Variants in GNB5 observed in about 807,000 individuals in gnomAD.
GNB5 encodes the protein G protein subunit beta 5.
Under a neutral mutation model 55.3 loss-of-function variants are expected in GNB5, and 37 were observed. The ratio of observed to expected loss-of-function variants is 0.67; its 90% CI spans 0.51 to 0.88. The LOEUF is 0.88. GNB5 is among the 40% of genes least tolerant of loss of function. The probability of loss-of-function intolerance (pLI) is 0.00; values close to 1 mark genes in which losing one functional copy is unlikely to be tolerated. For missense variants in GNB5, 476 were observed against 515.3 expected, an observed-to-expected ratio of 0.92 and a Z score of 0.74; for synonymous variants, 219 against 198.5, an observed-to-expected ratio of 1.10 and a Z score of -0.87.
chr15:52,127,025 G>C (rs2033448656), intron 10 of GNB5, among the ~76,000 whole-genome samples: 1 of 152,154 alleles, frequency 6.6e-6, no homozygotes, highest in Non-Finnish European at 1.5e-5. Flanking sequence ...TTGAACTCCT[G>C]ACCTCAGGTG....
chr15:52,190,429 T>A (rs2034904911), intron 1 of GNB5, among the ~76,000 whole-genome samples: 2 of 152,174 alleles, frequency 1.3e-5, no homozygotes, highest in Non-Finnish European at 2.9e-5. Flanking sequence ...AAGATTATTT[T>A]TAAAATGGAC....
At chr15:52,147,236 C>A in intron 6 of GNB5, 2 of 401,362 alleles carry the variant, frequency 5.0e-6, no homozygotes, top group Non-Finnish European at 4.5e-6. Context: ...CTCCTGGGCT[C>A]AAGTGATCCT....
intron 3 of GNB5, among the ~76,000 whole-genome samples, chr15:52,177,512 G>T (rs766518813): frequency 7.2e-5 from 11 of 151,758 alleles, no homozygotes; most frequent in Non-Finnish European, 1.3e-4. Context: ...TTACTTGGGT[G>T]TGGTGGCACA....
chr15:52,173,345 G>T (rs1473066207), intron 3 of GNB5, among the ~76,000 whole-genome samples: 1 of 152,214 alleles, frequency 6.6e-6, no homozygotes, highest in Middle Eastern at 3.2e-3. Context: ...AAAGTGCTGG[G>T]ATTACAGGCA....
intron 3 of GNB5, among the ~76,000 whole-genome samples, chr15:52,179,466 G>C (rs2034719107): frequency 6.6e-6 from 1 of 151,892 alleles, no homozygotes; most frequent in African/African-American, 2.4e-5. Flanking sequence ...GCAAGAACGC[G>C]ATCCGTTCGC....
rs1566928436 is a variant in GNB5 at position 52,117,100 on chromosome 15, A to ATTTTTTTTTTTTTTTTTTTTTTT, written c.*5656_*5657insAAAAAAAAAAAAAAAAAAAAAAA. On this transcript the variant is annotated 3_prime_UTR_variant, in exon 13 of 13. Coordinates refer to ENST00000261837, the MANE Select transcript of GNB5 (RefSeq NM_016194.4). ...CACCACGCCCAGCTAATATATATAT[A>ATTTTTTTTTTTTTTTTTTTTTTT]TATTTTTTTTTAGTACAGACAGGGT... 1 of 84,222 alleles carries ATTTTTTTTTTTTTTTTTTTTTTT rather than the reference A, an allele frequency of 1.2e-5. No homozygotes were observed. Among genetic ancestry groups the ATTTTTTTTTTTTTTTTTTTTTTT allele is most frequent in the Non-Finnish European group, 2.0e-5 (1 of 50,706 alleles). The allele number at this position is 84,222 out of a possible 1,614,324, so 5.2% of individuals were successfully genotyped here.
intron 3 of GNB5, among the ~76,000 whole-genome samples, chr15:52,177,255 A>T (rs564298180): frequency 6.6e-6 from 1 of 151,070 alleles, no homozygotes; most frequent in Non-Finnish European, 1.5e-5. Context: ...GGATGGTCTC[A>T]ATCTCCTGAC....
chr15:52,174,361 G>T (rs2034608413), intron 3 of GNB5, among the ~76,000 whole-genome samples: 1 of 152,194 alleles, frequency 6.6e-6, no homozygotes, highest in Admixed American at 6.5e-5. Flanking sequence ...ATTCTAAAAT[G>T]CCTTGGAATC....
chr15:52,121,112 C>T lies in GNB5; in HGVS notation c.*1645G>A, dbSNP rs1046575411. ...CCTGTCTTATGGCTGTGCCCAGCTC[C>T]AGCTCTGGAAGAGTCTCTCTGAGGA... is the stretch of plus-strand genomic sequence containing the variant. On this transcript the variant is annotated 3_prime_UTR_variant, in exon 13 of 13. Coordinates refer to ENST00000261837, the MANE Select transcript of GNB5 (RefSeq NM_016194.4). The T allele has an allele frequency of 6.6e-6, 1 of 152,180 alleles. No individual in the cohort carries two copies. Among genetic ancestry groups the T allele is most frequent in the Non-Finnish European group, 1.5e-5 (1 of 68,038 alleles). 9.4% of individuals were successfully genotyped at this position (152,180 alleles called of 1,614,324 possible). A position where few individuals can be genotyped will look rare whatever the true frequency, so the allele number is the denominator to read the frequency against.
At position 52,184,693 on chromosome 15, in the gene GNB5, A is replaced by T. The variant is rs1256360682; in HGVS notation, c.-17T>A. The T allele has an allele frequency of 1.9e-6, 3 of 1,606,710 alleles. No homozygotes were observed. The highest frequency in any genetic ancestry group is 2.6e-6 in the Non-Finnish European group (3 of 1,175,912). Reference sequence around the variant, plus strand: ...ATCACACATCTTTTACCCAAGATAAAGCTGAAAAAAAGTGAAAAGAAGGGA... The same window carrying T: ...ATCACACATCTTTTACCCAAGATAATGCTGAAAAAAAGTGAAAAGAAGGGA... On this transcript the variant is annotated splice_region_variant and 5_prime_UTR_variant, in exon 2 of 13. Transcript: ENST00000261837.
At chr15:52,174,746 A>G (rs2141235039) in intron 3 of GNB5, among the ~76,000 whole-genome samples, 1 of 152,270 alleles carries the variant, frequency 6.6e-6, no homozygotes, top group African/African-American at 2.4e-5. Context: ...TGGTTTGCCT[A>G]GGGCCGCAGG....
At chr15:52,179,970 G>T in intron 2 of GNB5, 91 bp from the exon 3 acceptor site, 1 of 1,359,670 alleles carries the variant, frequency 7.4e-7, no homozygotes, top group Non-Finnish European at 9.5e-7. Context: ...CCCCGGCCCC[G>T]AGCACCGCCC....
intron 9 of GNB5, among the ~76,000 whole-genome samples, chr15:52,131,132 G>A (rs1362711700): frequency 6.6e-6 from 1 of 152,180 alleles, no homozygotes; most frequent in Non-Finnish European, 1.5e-5. Flanking sequence ...AGCTGAGTGT[G>A]TGCATTTTAA....
chr15:52,133,349 G>C (rs376161798), intron 9 of GNB5, 29 bp downstream of exon 9: 4 of 1,406,074 alleles, frequency 2.8e-6, no homozygotes, highest in Non-Finnish European at 4.0e-6. Context: ...GCAGAACAGA[G>C]AGGTGGCATG....
chr15:52,173,846 G>A (rs1443104369), intron 3 of GNB5, among the ~76,000 whole-genome samples: 3 of 152,184 alleles, frequency 2.0e-5, no homozygotes, highest in Non-Finnish European at 4.4e-5. Flanking sequence ...GTTTTGTGCT[G>A]GAAGACTGAA....
chr15:52,140,892 G>A (rs2033837104), intron 7 of GNB5, among the ~76,000 whole-genome samples: 1 of 152,188 alleles, frequency 6.6e-6, no homozygotes, highest in Non-Finnish European at 1.5e-5. Flanking sequence ...CCCTCGCCAA[G>A]TCAATCAGAG....
chr15:52,162,101 C>T (rs145849351), intron 3 of GNB5, among the ~76,000 whole-genome samples: 2 of 152,086 alleles, frequency 1.3e-5, no homozygotes, highest in African/African-American at 4.8e-5. Context: ...CCACATCAAG[C>T]CCCCTTGCTT....
At chr15:52,158,411 C>T (rs1443632738) in intron 3 of GNB5, among the ~76,000 whole-genome samples, 1 of 152,188 alleles carries the variant, frequency 6.6e-6, no homozygotes, top group African/African-American at 2.4e-5. Context: ...AAATGAAATG[C>T]TTAGTATTGA....
chr15:52,173,524 G>C (rs911676987), intron 3 of GNB5, among the ~76,000 whole-genome samples: 16 of 152,236 alleles, frequency 1.1e-4, no homozygotes, highest in African/African-American at 3.9e-4. Flanking sequence ...GCAAGAACAA[G>C]CTTGATGGTC....
Sources: allele counts gnomAD v4.1 joint callset (sites outside exome capture counted in the v4.1 genomes callset), GRCh38; gene constraint gnomAD v4.1.1; transcripts MANE v1.5; gene names NCBI Gene and HGNC (gene_info 2026-07-23, HGNC 2026-07-21).